RYR3: variants seen among roughly 807,000 people sequenced by gnomAD.
RYR3 encodes ryanodine receptor 3.
Under a neutral mutation model 584.3 loss-of-function variants are expected in RYR3, and 207 were observed. The observed-to-expected ratio is 0.35, with a 90% CI of 0.32 to 0.40. RYR3 has a LOEUF of 0.40. Among genes scored for constraint, RYR3 ranks in the 10% least tolerant of loss-of-function variants. The pLI is 1.00. For missense variants in RYR3, 5,616 were observed against 6,089.2 expected, an observed-to-expected ratio of 0.92 and a Z score of 2.59; for synonymous variants, 2,416 against 2,248.5, an observed-to-expected ratio of 1.07 and a Z score of -2.11.
intron 46 of RYR3, among the ~76,000 whole-genome samples, chr15:33,727,826 A>G (rs1254098540): frequency 5.3e-5 from 8 of 152,086 alleles, no homozygotes; most frequent in Non-Finnish European, 1.0e-4. Context: ...CCTCTTTCCT[A>G]GTTTTTAGTG....
chr15:33,467,521 G>A, intron 1 of RYR3: 1 of 977,740 alleles, frequency 1.0e-6, no homozygotes, highest in Non-Finnish European at 1.2e-6. Flanking sequence ...GATAAAATAG[G>A]CAAGATCCAT....
chr15:33,444,172 T>C (rs531961037), intron 1 of RYR3, among the ~76,000 whole-genome samples: 1 of 152,280 alleles, frequency 6.6e-6, no homozygotes, highest in African/African-American at 2.4e-5. Context: ...GGGGTTCGTG[T>C]ACAAAGCCAG....
intron 52 of RYR3, among the ~76,000 whole-genome samples, chr15:33,745,600 C>A (rs1325697464): frequency 6.6e-6 from 1 of 152,102 alleles, no homozygotes; most frequent in Non-Finnish European, 1.5e-5. Flanking sequence ...CCTAAAAGTT[C>A]TTAAACTTCT....
chr15:33,750,893 C>T (rs1439657214), intron 57 of RYR3, among the ~76,000 whole-genome samples: 1 of 152,124 alleles, frequency 6.6e-6, no homozygotes, highest in Non-Finnish European at 1.5e-5. Context: ...CCCCACAGGC[C>T]CTGGGGTGTG....
intron 2 of RYR3, among the ~76,000 whole-genome samples, chr15:33,477,597 T>C (rs1358806245): frequency 4.3e-5 from 4 of 93,004 alleles, no homozygotes; most frequent in Admixed American, 1.9e-4. Context: ...AAAAAAAGGC[T>C]GGGCGCGGTG....
chr15:33,751,197 G>A (rs994750906), intron 57 of RYR3, among the ~76,000 whole-genome samples: 5 of 152,052 alleles, frequency 3.3e-5, no homozygotes, highest in Admixed American at 6.5e-5. Context: ...ATAAACATAC[G>A]TGTGCATGTG....
rs1485924350 is a variant in RYR3, at chr15:33,351,246, T to G, written c.51+40150T>G. Among the ~76,000 whole-genome samples the G allele has an allele frequency of 3.3e-5, 5 of 152,232 alleles. No homozygotes were observed. The South Asian group carries it at 8.3e-4, about 25-fold the overall frequency. On this transcript the variant is annotated intron_variant, in intron 1 of 103. Transcript: ENST00000634891. ...ATCTCTGAATAGACCAATAACAGGA[T>G]CTGAAATTGTGGCAATAATCAATAT...
intron 39 of RYR3, 34 bp downstream of exon 39, chr15:33,696,525 A>G (rs1432335726): frequency 1.9e-6 from 3 of 1,602,784 alleles, no homozygotes; most frequent in Non-Finnish European, 2.6e-6. Context: ...TGTTCTCTCT[A>G]GGAGCTTTAA....
At chr15:33,397,777 G>A (rs2042386255) in intron 1 of RYR3, among the ~76,000 whole-genome samples, 1 of 152,078 alleles carries the variant, frequency 6.6e-6, no homozygotes, top group Non-Finnish European at 1.5e-5. Flanking sequence ...TTATAATTTG[G>A]TATCTTATTG....
chr15:33,797,766 A>G (rs2075707265), intron 67 of RYR3, among the ~76,000 whole-genome samples: 1 of 152,148 alleles, frequency 6.6e-6, no homozygotes, highest in African/African-American at 2.4e-5. Context: ...ATAGGATATG[A>G]TCCTCATCTT....
At chr15:33,602,097 G>C (rs1479257950) in intron 17 of RYR3, among the ~76,000 whole-genome samples, 2 of 152,162 alleles carry the variant, frequency 1.3e-5, no homozygotes, top group Non-Finnish European at 2.9e-5. Flanking sequence ...ACTGGGACTA[G>C]GCAGGTCTGC....
intron 64 of RYR3, among the ~76,000 whole-genome samples, chr15:33,779,213 A>G (rs1199441177): frequency 1.3e-5 from 2 of 151,494 alleles, no homozygotes; most frequent in East Asian, 1.9e-4. Flanking sequence ...TAAGATCACA[A>G]TTTTTCTTTT....
At chr15:33,748,066 A>G (rs2070920415) in intron 53 of RYR3, 48 bp from the exon 54 acceptor site, 1 of 1,596,044 alleles carries the variant, frequency 6.3e-7, no homozygotes, top group African/African-American at 1.3e-5. Context: ...GCCAGGGAGA[A>G]TGCTGGGGTG....
chr15:33,557,082 A>G lies in RYR3; in HGVS notation c.973-5755A>G, dbSNP rs75802484. On this transcript the variant is annotated intron_variant, in intron 10 of 103. Coordinates refer to ENST00000634891, the MANE Select transcript of RYR3 (RefSeq NM_001036.6). ...GGTAACCATTCAGATATTCTGTTCA[A>G]GTGAATTATACCTGGCTTTGGAATT... is the stretch of plus-strand genomic sequence containing the variant. Among the ~76,000 whole-genome samples the G allele has an allele frequency of 1.9e-3, 283 of 152,298 alleles. 4 individuals are homozygous for G. The East Asian group carries it at 0.047, about 25-fold the overall frequency.
At chr15:33,529,936 C>G (rs1030606912) in intron 3 of RYR3, among the ~76,000 whole-genome samples, 1 of 152,232 alleles carries the variant, frequency 6.6e-6, no homozygotes, top group Non-Finnish European at 1.5e-5. Context: ...TCATGCCTCC[C>G]TCTCCCACTG....
Position 33,739,827 on chromosome 15 carries a change from C to T in RYR3, c.7657-5C>T, listed in dbSNP as rs2152834338. 1.2e-6 allele frequency: 2 copies of T among 1,611,380 alleles called. No homozygotes were observed. The highest frequency in any genetic ancestry group is 2.2e-5 in the South Asian group (2 of 90,734). On this transcript the variant is annotated splice_polypyrimidine_tract_variant and splice_region_variant and intron_variant, in intron 50 of 103. Transcript: ENST00000634891. ...TACTAATGTGGCCTTGTTTTTCCCT[C>T]ACAGAAATATGACCCAGATCTTTTC...
chr15:33,842,990 C>A (rs973174334), intron 91 of RYR3, among the ~76,000 whole-genome samples: 1 of 152,020 alleles, frequency 6.6e-6, no homozygotes, highest in Admixed American at 6.6e-5. Context: ...GTTCCATGTT[C>A]ATGACACGAC....
At chr15:33,722,614 G>A in intron 43 of RYR3, 101 bp from the exon 44 acceptor site, 1 of 1,184,158 alleles carries the variant, frequency 8.4e-7, no homozygotes, top group Non-Finnish European at 1.2e-6. Context: ...CAGAGTAGGT[G>A]ATAAGCTGAA....
chr15:33,712,899 T>C (rs1332313789), intron 43 of RYR3, among the ~76,000 whole-genome samples: 1 of 152,170 alleles, frequency 6.6e-6, no homozygotes, highest in Non-Finnish European at 1.5e-5. Context: ...CACAGAGTTG[T>C]GAGGCTTAAA....
Sources: gnomAD v4.1 joint callset for allele counts (sites outside exome capture counted in the v4.1 genomes callset) on GRCh38, gnomAD v4.1.1 for gene constraint, MANE v1.5 for transcripts, NCBI Gene and HGNC (gene_info 2026-07-23, HGNC 2026-07-21) for gene names.